Variants in ASIP observed in about 807,000 individuals in gnomAD.
ASIP encodes the protein agouti signaling protein.
A neutral mutation model predicts 10.3 loss-of-function variants in ASIP; 11 were observed. The observed-to-expected ratio is 1.07, with a 90% CI of 0.68 to 1.78. The LOEUF (loss-of-function observed/expected upper bound fraction) is 1.78. ASIP is among the 40% of genes most tolerant of loss of function. ASIP has a pLI of 0.00. For missense variants in ASIP, 180 were observed against 169.2 expected (o/e 1.06, Z -0.35); for synonymous variants, 70 against 70.8 (o/e 0.99, Z 0.06).
At chr20:34,197,934 T>C (rs574839043) in intron 1 of ASIP, among the ~76,000 whole-genome samples, 1 of 152,284 alleles carries the variant, frequency 6.6e-6, no homozygotes, top group South Asian at 2.1e-4. Context: ...ACTCACCTCC[T>C]CTACTAGCAA....
chr20:34,234,948 GTGT>G (rs2035159932), intron 1 of ASIP: 1 of 152,136 alleles, frequency 6.6e-6, no homozygotes, highest in South Asian at 2.1e-4. Flanking sequence ...ATTTAATCTT[GTGT>G]TGTTTTTTTC....
intron 1 of ASIP, among the ~76,000 whole-genome samples, chr20:34,197,049 T>C (rs1046081483): frequency 1.3e-5 from 2 of 151,944 alleles, no homozygotes; most frequent in African/African-American, 4.8e-5. Flanking sequence ...GATGGAAGGA[T>C]GAGAAGTGTG....
At chr20:34,209,206 C>T (rs1156288086) in intron 1 of ASIP, among the ~76,000 whole-genome samples, 1 of 152,232 alleles carries the variant, frequency 6.6e-6, no homozygotes, top group East Asian at 1.9e-4. Context: ...TTGCACAGAG[C>T]TGGTGGGAGC....
chr20:34,241,038 C>T (rs149693392), upstream of ASIP, among the ~76,000 whole-genome samples: 19 of 152,276 alleles, frequency 1.2e-4, no homozygotes, highest in Admixed American at 7.9e-4. Context: ...CTGCTATCCA[C>T]GGACAGGAAA....
intron 1 of ASIP, among the ~76,000 whole-genome samples, chr20:34,206,186 G>A (rs866796159): frequency 3.9e-5 from 6 of 152,008 alleles, no homozygotes; most frequent in East Asian, 1.9e-4. Flanking sequence ...TAGTAGAGAC[G>A]GGGTTTCACT....
intron 1 of ASIP, among the ~76,000 whole-genome samples, chr20:34,258,069 G>A (rs1480278961): frequency 1.3e-5 from 2 of 151,854 alleles, no homozygotes; most frequent in African/African-American, 4.8e-5. Context: ...GCTTGAATCC[G>A]GGAGGCAGAG....
At chr20:34,209,916 C>T (rs2034962491) in intron 1 of ASIP, among the ~76,000 whole-genome samples, 1 of 152,172 alleles carries the variant, frequency 6.6e-6, no homozygotes, top group Non-Finnish European at 1.5e-5. Flanking sequence ...TGCCTTTTCC[C>T]AGCCCACCCA....
upstream of ASIP, among the ~76,000 whole-genome samples, chr20:34,239,751 T>C (rs1350662670): frequency 1.3e-5 from 2 of 152,168 alleles, no homozygotes; most frequent in African/African-American, 4.8e-5. Flanking sequence ...CCCTTGTCTC[T>C]ACAAATCACC....
At chr20:34,266,452 C>T (rs2035787673) in intron 3 of ASIP, among the ~76,000 whole-genome samples, 1 of 151,880 alleles carries the variant, frequency 6.6e-6, no homozygotes, top group South Asian at 2.1e-4. Context: ...GCAGGCAGAT[C>T]ACCTGAGGTT....
chr20:34,236,126 AAGGAAAGGAG>A (rs1200912376), intron 1 of ASIP, among the ~76,000 whole-genome samples: 2 of 150,630 alleles, frequency 1.3e-5, no homozygotes, highest in East Asian at 3.9e-4. Flanking sequence ...AAGGAGTGGA[AAGGAAAGGAG>A]AGGAAAGGAG....
chr20:34,245,971 A>C, intron 1 of ASIP: 3 of 1,413,060 alleles, frequency 2.1e-6, no homozygotes, highest in Non-Finnish European at 2.0e-6. Flanking sequence ...TTACTTCTCC[A>C]AGATCTTTGA....
chr20:34,253,975 T>C (rs1426565285), intron 1 of ASIP, among the ~76,000 whole-genome samples: 1 of 152,244 alleles, frequency 6.6e-6, no homozygotes, highest in Non-Finnish European at 1.5e-5. Context: ...ACAGTCTTCA[T>C]CATTGCAGAG....
In ASIP at chr20:34,264,635, GACAATACAT is replaced by G. The variant is rs2035753334; in HGVS notation, c.222+1743_222+1751del. On this transcript the variant is annotated intron_variant, in intron 3 of 3. Coordinates refer to ENST00000374954, the MANE Select transcript of ASIP (RefSeq NM_001672.3). The stretch of plus-strand genomic sequence containing the variant: ...CTTTGGTTGCTTACTATTTCAGACA[GACAATACAT>G]CTTGTAAACAGATGAAGTAAACTTA... Among the ~76,000 whole-genome samples the G allele has an allele frequency of 1.2e-4, 19 of 152,200 alleles. No homozygotes were observed. The South Asian group carries it at 3.9e-3, about 32-fold the overall frequency.
At chr20:34,254,069 C>A (rs982749679) in intron 1 of ASIP, among the ~76,000 whole-genome samples, 1 of 151,326 alleles carries the variant, frequency 6.6e-6, no homozygotes, top group South Asian at 2.1e-4. Context: ...TGTTTTGTTT[C>A]GTTTTTTTTT....
intron 1 of ASIP, among the ~76,000 whole-genome samples, chr20:34,201,013 CTTCCTTCTTTCTTTCTTTCT>C (rs1195642864): frequency 2.4e-4 from 13 of 55,310 alleles, no homozygotes; most frequent in African/African-American, 7.7e-4. Flanking sequence ...TCCTTCCTTC[CTTCCTTCTTTCTTTCTTTCT>C]TTCTTTCTTT....
intron 1 of ASIP, among the ~76,000 whole-genome samples, chr20:34,196,841 A>G (rs1414165965): frequency 6.6e-6 from 1 of 152,228 alleles, no homozygotes; most frequent in Admixed American, 6.5e-5. Context: ...GATCATCACC[A>G]CAAAGGTAGG....
At chr20:34,243,758 T>TAAAA (rs760280764) in intron 1 of ASIP, among the ~76,000 whole-genome samples, 13 of 134,062 alleles carry the variant, frequency 9.7e-5, no homozygotes, top group African/African-American at 2.9e-4. Flanking sequence ...ATATTGTATT[T>TAAAA]AAAAAAAAAA....
chr20:34,253,637 A>G (rs933115619), intron 1 of ASIP, among the ~76,000 whole-genome samples: 2 of 151,128 alleles, frequency 1.3e-5, no homozygotes, highest in Non-Finnish European at 2.9e-5. Context: ...AAGCCTGGCT[A>G]ATTTTTGTAT....
intron 1 of ASIP, chr20:34,215,658 T>G (rs2035003196): frequency 1.4e-6 from 2 of 1,458,344 alleles, no homozygotes; most frequent in Non-Finnish European, 1.9e-6. Flanking sequence ...GTCTCCCTAA[T>G]TAGTTGTTGT....
Sources: allele counts gnomAD v4.1 joint callset (sites outside exome capture counted in the v4.1 genomes callset), GRCh38; gene constraint gnomAD v4.1.1; transcripts MANE v1.5; gene names NCBI Gene and HGNC (gene_info 2026-07-23, HGNC 2026-07-21).